ZC3H18: variants seen among roughly 807,000 people sequenced by gnomAD.
ZC3H18 encodes zinc finger CCCH domain-containing protein 18.
A neutral mutation model predicts 106.1 loss-of-function variants in ZC3H18; 8 were observed. That is an observed-to-expected ratio of 0.08 (90% CI 0.04 to 0.14). The LOEUF (loss-of-function observed/expected upper bound fraction) is 0.14. Ranked by LOEUF, ZC3H18 falls within the 10% of genes least tolerant of loss-of-function variation. The pLI, the probability that ZC3H18 is intolerant of heterozygous loss-of-function variation, is 1.00. For missense variants in ZC3H18, 1,318 were observed against 1,278.4 expected (o/e 1.03, Z -0.47); for synonymous variants, 635 against 522.1 (o/e 1.22, Z -2.95).
chr16:88,631,538 A>G lies in ZC3H18; in HGVS notation c.*239A>G. 1 of 629,642 alleles carries G rather than the reference A, an allele frequency of 1.6e-6. No homozygotes were observed. The highest frequency in any genetic ancestry group is 1.5e-5 in the South Asian group (1 of 65,390). The allele number at this position is 629,642 out of a possible 1,614,324, so 39.0% of individuals were successfully genotyped here. Reference sequence around the variant, plus strand: ...GACACAGACAGCGCTAGTGACCAGCACGGTTCTCATGTAAATTACAAGCCC... The same window carrying G: ...GACACAGACAGCGCTAGTGACCAGCGCGGTTCTCATGTAAATTACAAGCCC... On this transcript the variant is annotated 3_prime_UTR_variant, in exon 18 of 18. Transcript: ENST00000301011.
chr16:88,580,244 T>G (rs1915042955), intron 2 of ZC3H18, among the ~76,000 whole-genome samples: 1 of 147,258 alleles, frequency 6.8e-6, no homozygotes. Context: ...CTTCCCCTAT[T>G]CCCAAGAACA....
intron 12 of ZC3H18, among the ~76,000 whole-genome samples, chr16:88,624,964 C>G (rs879351377): frequency 6.6e-6 from 1 of 152,198 alleles, no homozygotes; most frequent in South Asian, 2.1e-4. Flanking sequence ...CAGCGTGGCA[C>G]GGAGCACAGG....
At chr16:88,574,109 A>T (rs183401995) in intron 1 of ZC3H18, among the ~76,000 whole-genome samples, 1 of 152,180 alleles carries the variant, frequency 6.6e-6, no homozygotes, top group East Asian at 1.9e-4. Context: ...TCCTGACCTC[A>T]GGTGATCCAC....
In ZC3H18 at chr16:88,608,805, C is replaced by G. The variant is rs1905135926; in HGVS notation, c.1089-129C>G. Reference sequence around the variant, plus strand: ...GTGAACAGATTTCCTAACCTTGAGCCAACCTTGCGCTCCTGGAGTAAACCC... The same window carrying G: ...GTGAACAGATTTCCTAACCTTGAGCGAACCTTGCGCTCCTGGAGTAAACCC... On this transcript the variant is annotated intron_variant, in intron 6 of 17. Coordinates refer to ENST00000301011, the MANE Select transcript of ZC3H18 (RefSeq NM_144604.4). 4.3e-5 allele frequency: 29 copies of G among 673,338 alleles called. No homozygotes were observed. In the South Asian group the frequency reaches 6.3e-4, roughly 15 times the overall value. 41.7% of individuals were successfully genotyped at this position (673,338 alleles called of 1,614,324 possible). A position where few individuals can be genotyped will look rare whatever the true frequency, so the allele number is the denominator to read the frequency against.
chr16:88,604,825 T>C (rs1292070161), intron 6 of ZC3H18, among the ~76,000 whole-genome samples: 1 of 152,022 alleles, frequency 6.6e-6, no homozygotes, highest in Non-Finnish European at 1.5e-5. Context: ...CTGTGAGAAA[T>C]GCGGTCATCA....
intron 16 of ZC3H18, among the ~76,000 whole-genome samples, chr16:88,629,365 A>T (rs1361871176): frequency 6.6e-6 from 1 of 152,140 alleles, no homozygotes; most frequent in Non-Finnish European, 1.5e-5. Flanking sequence ...AATCCCAGCT[A>T]CTTGGGAGGC....
intron 6 of ZC3H18, among the ~76,000 whole-genome samples, chr16:88,600,380 T>C (rs935415155): frequency 3.3e-5 from 5 of 152,226 alleles, no homozygotes; most frequent in South Asian, 4.1e-4. Context: ...CCTTCACTGC[T>C]TCTCCTCCAG....
chr16:88,624,844 C>T, intron 12 of ZC3H18, 99 bp downstream of exon 12: 1 of 1,460,042 alleles, frequency 6.8e-7, no homozygotes, highest in Non-Finnish European at 9.0e-7. Flanking sequence ...GGTCCAGAGC[C>T]AGGTGGTGGG....
At chr16:88,594,835 A>C (rs1333071280) in intron 3 of ZC3H18, among the ~76,000 whole-genome samples, 1 of 152,244 alleles carries the variant, frequency 6.6e-6, no homozygotes, top group Non-Finnish European at 1.5e-5. Context: ...CAGTGTTTAC[A>C]CAAGCGTAAA....
intron 6 of ZC3H18, among the ~76,000 whole-genome samples, chr16:88,607,328 T>C (rs753933678): frequency 1.4e-4 from 22 of 152,342 alleles, no homozygotes; most frequent in South Asian, 4.1e-4. Flanking sequence ...GGCGTGTCTT[T>C]TCATTTCCAG....
At chr16:88,621,504 G>C (rs1225032559) in intron 8 of ZC3H18, among the ~76,000 whole-genome samples, 1 of 151,952 alleles carries the variant, frequency 6.6e-6, no homozygotes, top group Non-Finnish European at 1.5e-5. Context: ...GATTACAGGT[G>C]AGCCACCGCA....
chr16:88,626,020 A>G (rs1247705929), intron 13 of ZC3H18: 1 of 152,042 alleles, frequency 6.6e-6, no homozygotes, highest in African/African-American at 2.4e-5. Flanking sequence ...ATGGGGTTTC[A>G]CCATGTTGCC....
At chr16:88,623,068 C>T (rs868780090) in intron 9 of ZC3H18, 151 bp from the exon 10 acceptor site, 50 of 1,100,514 alleles carry the variant, frequency 4.5e-5, no homozygotes, top group South Asian at 2.7e-4. Context: ...TGCGTCTGTG[C>T]GCGCGTCTGC....
chr16:88,611,509 C>T lies in ZC3H18; in HGVS notation c.1448C>T (p.Pro483Leu), dbSNP rs1905274331. 1 of 1,550,214 alleles carries T rather than the reference C, an allele frequency of 6.5e-7. No individual in the cohort carries two copies. The highest frequency in any genetic ancestry group is 1.4e-5 in the African/African-American group (1 of 73,008). ...GAGCGGGAGAAGGAGAAGGGGAAGC[C>T]CAAGCCCCGCTCCCCGCAGCCGCCA... The part of the protein sequence containing the change: ...EKEREKEKGK[P>L]KPRSPQPPSR... Residue 483 changes from proline (P) to leucine (L), a missense_variant, in exon 8 of 18, where the codon CCC (proline) becomes CTC (leucine). This residue lies in a region of ZC3H18 where 848 missense variants were observed against 821.7 expected (regional missense o/e 1.03). Transcript: ENST00000301011.
intron 7 of ZC3H18, among the ~76,000 whole-genome samples, chr16:88,610,818 T>G (rs899088350): frequency 6.6e-6 from 1 of 152,220 alleles, no homozygotes; most frequent in African/African-American, 2.4e-5. Flanking sequence ...AGCCTGGAAC[T>G]CCCGTCTCTG....
intron 3 of ZC3H18, among the ~76,000 whole-genome samples, chr16:88,594,274 T>TTGGA (rs1904323885): frequency 6.6e-6 from 1 of 152,188 alleles, no homozygotes; most frequent in Admixed American, 6.5e-5. Context: ...TTACTATATA[T>TTGGA]TGGATATCTT....
At chr16:88,611,587 G>A in intron 8 of ZC3H18, 51 bp downstream of exon 8, 3 of 1,530,406 alleles carry the variant, frequency 2.0e-6, no homozygotes, top group Non-Finnish European at 2.6e-6. Flanking sequence ...CCGGCATGCA[G>A]CTCTGTACCT....
At position 88,622,214 on chromosome 16, in the gene ZC3H18, C is replaced by G. The variant is rs749383791; in HGVS notation, c.1493C>G (p.Pro498Arg). 2.5e-6 allele frequency: 4 copies of G among 1,609,672 alleles called. No individual in the cohort carries two copies. Among genetic ancestry groups the G allele is most frequent in the Non-Finnish European group, 3.4e-6 (4 of 1,177,120 alleles). ...AATTTCAGCCGCCAAGCTGAGCCAC[C>G]AAAGAAGGAGGCTGCCACCACGGGG... The part of the protein sequence containing the change: ...PQPPSRQAEP[P>R]KKEAATTGPQ... The change falls in exon 9 of 18, where the codon CCA becomes CGA. Residue 498 changes from proline to arginine, a missense_variant. Pro to Arg is a moderately radical substitution (Grantham distance 103). Coordinates refer to ENST00000301011, the MANE Select transcript of ZC3H18 (RefSeq NM_144604.4).
intron 3 of ZC3H18, among the ~76,000 whole-genome samples, chr16:88,590,279 G>A (rs1412273843): frequency 6.6e-6 from 1 of 152,178 alleles, no homozygotes; most frequent in African/African-American, 2.4e-5. Context: ...GACACGTTGT[G>A]ATATAGAGAT....
Sources: allele counts gnomAD v4.1 joint callset (sites outside exome capture counted in the v4.1 genomes callset), GRCh38; gene constraint gnomAD v4.1.1; regional missense constraint gnomAD v4.1.1; transcripts MANE v1.5; gene names NCBI Gene and HGNC (gene_info 2026-07-23, HGNC 2026-07-21).